CAMSAP2: variants seen among roughly 807,000 people sequenced by gnomAD.
CAMSAP2 encodes calmodulin regulated spectrin associated protein family member 2, also known as calmodulin-regulated spectrin-associated protein 2.
A neutral mutation model predicts 146.1 loss-of-function variants in CAMSAP2; 26 were observed. The ratio of observed to expected loss-of-function variants is 0.18; its 90% confidence interval spans 0.13 to 0.25. The LOEUF (loss-of-function observed/expected upper bound fraction) is 0.25, where lower values mean the gene tolerates loss of function less well. Ranked by LOEUF, CAMSAP2 falls within the 10% of genes least tolerant of loss-of-function variation. The pLI, the probability that CAMSAP2 is intolerant of heterozygous loss-of-function variation, is 1.00. For synonymous variants in CAMSAP2, 499 were observed against 596.6 expected (o/e 0.84, Z 2.38); for missense variants, 1,381 against 1,759.3 (o/e 0.78, Z 3.85).
At chr1:200,774,323 T>C (rs147086823) in intron 2 of CAMSAP2, among the ~76,000 whole-genome samples, 6 of 152,314 alleles carry the variant, frequency 3.9e-5, no homozygotes, top group African/African-American at 1.4e-4. Context: ...AAAAAAATCT[T>C]TACAATGCTC....
chr1:200,828,630 T>C, intron 4 of CAMSAP2: 1 of 1,547,194 alleles, frequency 6.5e-7, no homozygotes, highest in Non-Finnish European at 8.7e-7. Flanking sequence ...CTACTTCAGT[T>C]TGCTCTCCAG....
chr1:200,835,699 C>CAT (rs1315943281), intron 6 of CAMSAP2, among the ~76,000 whole-genome samples: 11 of 152,114 alleles, frequency 7.2e-5, no homozygotes, highest in African/African-American at 2.7e-4. Flanking sequence ...ATATCATTTC[C>CAT]ATATATATCT....
chr1:200,827,054 A>G (rs1666923552), intron 4 of CAMSAP2, among the ~76,000 whole-genome samples: 1 of 152,224 alleles, frequency 6.6e-6, no homozygotes, highest in Non-Finnish European at 1.5e-5. Flanking sequence ...TTTTTGAAGC[A>G]TACGTATATA....
At chr1:200,753,298 CAAAA>C (rs35626597) in intron 1 of CAMSAP2, among the ~76,000 whole-genome samples, 2 of 101,330 alleles carry the variant, frequency 2.0e-5, no homozygotes, top group Non-Finnish European at 4.4e-5. Context: ...AACTCCATCT[CAAAA>C]AAAAAAAAAA....
rs1667567210 is a variant in CAMSAP2 at position 200,849,815 on chromosome 1, A to G, written c.3046A>G (p.Thr1016Ala). ...TTCACCAAGTCAAGTTCCTATTCAA[A>G]CTAGGTCATTTGTATGTTTTGGGGA... Reference protein sequence around the residue: ...RFSPSQVPIQTRSFVCFGDDG... With the variant: ...RFSPSQVPIQARSFVCFGDDG... Residue 1016 changes from threonine to alanine, a missense_variant, in exon 11 of 17, where the codon ACT (threonine) becomes GCT (alanine). Physicochemically the swap from Thr to Ala is moderately conservative, Grantham distance 58. Around this residue, in one of 4 missense-constraint regions of CAMSAP2, gnomAD observed 560 missense variants for 715.9 expected, o/e 0.78. Transcript: ENST00000358823. The surrounding 1 kb of genome is among the most constrained non-coding windows in gnomAD (Gnocchi z 6.3). The G allele has an allele frequency of 6.2e-7, 1 of 1,614,062 alleles. No homozygotes were observed. Among genetic ancestry groups the G allele is most frequent in the Non-Finnish European group, 8.5e-7 (1 of 1,180,034 alleles).
At chr1:200,829,254 T>C (rs1179522185) in intron 4 of CAMSAP2, among the ~76,000 whole-genome samples, 1 of 152,206 alleles carries the variant, frequency 6.6e-6, no homozygotes, top group Non-Finnish European at 1.5e-5. Context: ...ATTGCCTGCA[T>C]TTAAAAATCA....
At chr1:200,794,017 G>A (rs1431538845) in intron 2 of CAMSAP2, among the ~76,000 whole-genome samples, 2 of 152,158 alleles carry the variant, frequency 1.3e-5, no homozygotes, top group East Asian at 1.9e-4. Context: ...AAGCTTACTT[G>A]TAAACATAGT....
In CAMSAP2 at chr1:200,739,015, A is replaced by G. The variant is rs566096525; in HGVS notation, c.-813A>G. Among the ~76,000 whole-genome samples the G allele has an allele frequency of 7.3e-5, 11 of 151,718 alleles. No homozygotes were observed. The South Asian group carries it at 2.3e-3, about 32-fold the overall frequency. On this transcript the variant is annotated 5_prime_UTR_variant, in exon 1 of 17. Coordinates refer to ENST00000358823, the MANE Select transcript of CAMSAP2 (RefSeq NM_203459.4). The surrounding 1 kb of genome is among the most constrained non-coding windows in gnomAD (Gnocchi z 4.8). ...GGGGGCAGGAAAAAATTACAAGGAC[A>G]TTACTGATAAGACAGGAACTGAGAG...
intron 2 of CAMSAP2, among the ~76,000 whole-genome samples, chr1:200,795,621 G>A (rs529868266): frequency 5.3e-5 from 8 of 152,122 alleles, no homozygotes; most frequent in African/African-American, 1.7e-4. Flanking sequence ...TGGGCCTTGC[G>A]TTTCAATAGA....
intron 1 of CAMSAP2, among the ~76,000 whole-genome samples, chr1:200,750,748 G>T (rs1262416657): frequency 6.6e-6 from 1 of 150,506 alleles, no homozygotes; most frequent in Non-Finnish European, 1.5e-5. Flanking sequence ...CCTCAGTCTC[G>T]CGAGTAGCTG....
intron 2 of CAMSAP2, among the ~76,000 whole-genome samples, chr1:200,801,946 C>CT (rs1666045968): frequency 6.6e-6 from 1 of 152,180 alleles, no homozygotes; most frequent in African/African-American, 2.4e-5. Flanking sequence ...GTGTTGGCAG[C>CT]TAGTAACCCC....
intron 2 of CAMSAP2, among the ~76,000 whole-genome samples, chr1:200,786,626 C>G (rs1665601256): frequency 6.6e-6 from 1 of 152,224 alleles, no homozygotes; most frequent in African/African-American, 2.4e-5. Context: ...AGGTGATCCA[C>G]CAACCTCAGC....
At chr1:200,767,622 G>A (rs1374511295) in intron 2 of CAMSAP2, among the ~76,000 whole-genome samples, 1 of 151,894 alleles carries the variant, frequency 6.6e-6, no homozygotes, top group African/African-American at 2.4e-5. Flanking sequence ...TTTAAGAACA[G>A]GATTATATAA....
At position 200,832,130 on chromosome 1, in the gene CAMSAP2, A is replaced by T; in HGVS notation, c.646-70A>T. ...TTTTATTACTGGTACATTAGAATTT[A>T]CAGTACTGATTTTTTTCCTATGCGT... On this transcript the variant is annotated intron_variant, in intron 4 of 16. Transcript: ENST00000358823. The surrounding 1 kb of genome is among the most constrained non-coding windows in gnomAD (Gnocchi z 4.2). 8.3e-6 allele frequency: 10 copies of T among 1,203,950 alleles called. No individual in the cohort carries two copies. Among genetic ancestry groups the T allele is most frequent in the Non-Finnish European group, 1.0e-5 (9 of 863,964 alleles). The allele number at this position is 1,203,950 out of a possible 1,614,324, so 74.6% of individuals were successfully genotyped here. A position where few individuals can be genotyped will look rare whatever the true frequency, so the allele number is the denominator to read the frequency against.
chr1:200,858,142 C>A lies in CAMSAP2; in HGVS notation c.*83C>A. On this transcript the variant is annotated 3_prime_UTR_variant, in exon 17 of 17. Transcript: ENST00000358823. The stretch of plus-strand genomic sequence containing the variant: ...GCCTATAGAAAATCTTTCTAATTGC[C>A]AACAAGACTTTTATTAATTAAAACT... 8.3e-7 allele frequency: 1 copy of A among 1,210,000 alleles called. No homozygotes were observed. Among genetic ancestry groups the A allele is most frequent in the Non-Finnish European group, 1.2e-6 (1 of 867,732 alleles). The allele number at this position is 1,210,000 out of a possible 1,614,324, so 75.0% of individuals were successfully genotyped here.
At chr1:200,787,063 A>C (rs1665614372) in intron 2 of CAMSAP2, among the ~76,000 whole-genome samples, 1 of 152,088 alleles carries the variant, frequency 6.6e-6, no homozygotes, top group East Asian at 1.9e-4. Context: ...CTCGTTGACA[A>C]TGCGCGTGGT....
chr1:200,821,178 C>CTT (rs796304937), intron 4 of CAMSAP2, among the ~76,000 whole-genome samples: 2 of 144,724 alleles, frequency 1.4e-5, no homozygotes, highest in Non-Finnish European at 3.0e-5. Flanking sequence ...GCTTCTTCTT[C>CTT]TTCTTTTTTT....
intron 1 of CAMSAP2, among the ~76,000 whole-genome samples, chr1:200,747,736 C>T (rs1394656840): frequency 2.0e-5 from 3 of 151,682 alleles, no homozygotes; most frequent in Non-Finnish European, 4.4e-5. Context: ...AGCGGCCGGG[C>T]GCGGTGGCTC....
chr1:200,739,938 C>T lies in CAMSAP2; in HGVS notation c.111C>T (p.Ala37=), dbSNP rs772426676. Residue 37 remains alanine (A), a synonymous_variant, in exon 1 of 17, where the codon GCC becomes GCT. Transcript: ENST00000358823. This position sits in a 1 kb window ranked among gnomAD's most constrained non-coding sequence, Gnocchi z 4.8. Reference sequence around the variant, plus strand: ...GGGCCAAAATCGCCTGCAATCTGGCCTGGCTGGTGGCCAAAGCCTTTGGGA... The same window carrying T: ...GGGCCAAAATCGCCTGCAATCTGGCTTGGCTGGTGGCCAAAGCCTTTGGGA... ...FSRAKIACNL[A]WLVAKAFGTE... is the part of the protein sequence containing the mutation. 1 of 1,614,172 alleles carries T rather than the reference C, an allele frequency of 6.2e-7. No individual in the cohort carries two copies. The highest frequency in any genetic ancestry group is 1.1e-5 in the South Asian group (1 of 91,082).
Sources: gnomAD v4.1 joint callset for allele counts (sites outside exome capture counted in the v4.1 genomes callset) on GRCh38, gnomAD v4.1.1 for gene constraint, gnomAD v4.1.1 regional missense constraint, Gnocchi (gnomAD v3.1) non-coding constraint, MANE v1.5 for transcripts, NCBI Gene and HGNC (gene_info 2026-07-23, HGNC 2026-07-21) for gene names.